The following VKORC1L1 variants were observed in gnomAD, a reference collection of about 807,000 sequenced individuals.
VKORC1L1 encodes vitamin K epoxide reductase complex subunit 1-like protein 1.
In VKORC1L1, 2 loss-of-function variants were observed where a neutral mutation model predicts 18.9. The observed-to-expected ratio is 0.11, with a 90% CI of 0.04 to 0.33. The LOEUF is 0.33. Ranked by LOEUF, VKORC1L1 falls within the 10% of genes least tolerant of loss-of-function variation. The pLI, the probability that VKORC1L1 is intolerant of heterozygous loss-of-function variation, is 1.00. For missense variants in VKORC1L1, 123 were observed against 224.1 expected (o/e 0.55, Z 2.88); for synonymous variants, 96 against 100.0 (o/e 0.96, Z 0.24).
chr7:65,897,021 AAC>A (rs1209870915), intron 1 of VKORC1L1, among the ~76,000 whole-genome samples: 12 of 152,260 alleles, frequency 7.9e-5, no homozygotes, highest in Admixed American at 6.5e-5. Flanking sequence ...TAAATAAATA[AAC>A]AGACAACCTA....
chr7:65,936,054 C>G (rs974302282), intron 1 of VKORC1L1, among the ~76,000 whole-genome samples: 3 of 151,370 alleles, frequency 2.0e-5, no homozygotes, highest in African/African-American at 7.3e-5. Flanking sequence ...TGAATCTTCC[C>G]TTTGGTATCT....
intron 1 of VKORC1L1, among the ~76,000 whole-genome samples, chr7:65,887,842 C>A: frequency 6.6e-6 from 1 of 151,756 alleles, no homozygotes; most frequent in African/African-American, 2.4e-5. Flanking sequence ...AAAAAAGCAA[C>A]AAATAACAGG....
At chr7:65,937,919 T>C (rs904965812) in intron 1 of VKORC1L1, among the ~76,000 whole-genome samples, 3 of 152,134 alleles carry the variant, frequency 2.0e-5, no homozygotes, top group African/African-American at 4.8e-5. Context: ...GAAAAAGTGA[T>C]ATCCTTGGCT....
At position 65,885,764 on chromosome 7, in the gene VKORC1L1, ACCCCTCCC is replaced by A. The variant is rs780160376; in HGVS notation, c.194+12202_194+12209del. 3.8e-3 allele frequency among the ~76,000 whole-genome samples: 582 copies of A among 151,798 alleles called. 11 individuals carry two copies. Among genetic ancestry groups the A allele is most frequent in the Middle Eastern group, 0.034 (10 of 294 alleles). On this transcript the variant is annotated intron_variant, in intron 1 of 2. Coordinates refer to ENST00000360768, the MANE Select transcript of VKORC1L1 (RefSeq NM_173517.6). ...GTCGGTCTGTGTTTATTCCATTACC[ACCCCTCCC>A]CCGTGGCTTTTTATAGAAGTTTGAT...
chr7:65,938,723 A>G (rs1330363318), intron 1 of VKORC1L1, among the ~76,000 whole-genome samples: 1 of 152,206 alleles, frequency 6.6e-6, no homozygotes, highest in East Asian at 1.9e-4. Flanking sequence ...GCATCATTCA[A>G]GCCTCTCTTC....
In VKORC1L1 at chr7:65,873,327, G is replaced by C. The variant is rs1318808116; in HGVS notation, c.-45G>C. 7.9e-6 allele frequency: 11 copies of C among 1,398,588 alleles called. No homozygotes were observed. Among genetic ancestry groups the C allele is most frequent in the South Asian group, 1.4e-5 (1 of 73,292 alleles). The allele number at this position is 1,398,588 out of a possible 1,614,324, so 86.6% of individuals were successfully genotyped here. A position where few individuals can be genotyped will look rare whatever the true frequency, so the allele number is the denominator to read the frequency against. ...GGTCGGGCCCCGACGGGCGGCGGCG[G>C]CTGAGGTGGAGGCGGAGGGAGGCGG... On this transcript the variant is annotated 5_prime_UTR_variant, in exon 1 of 3. Transcript: ENST00000360768.
chr7:65,919,080 C>T (rs966957954), intron 1 of VKORC1L1, among the ~76,000 whole-genome samples: 4 of 152,040 alleles, frequency 2.6e-5, no homozygotes, highest in African/African-American at 9.7e-5. Flanking sequence ...AGAGCGAGAC[C>T]CTTTCTCAAA....
intron 1 of VKORC1L1, among the ~76,000 whole-genome samples, chr7:65,914,614 C>T (rs920948470): frequency 6.6e-6 from 1 of 152,316 alleles, no homozygotes; most frequent in African/African-American, 2.4e-5. Flanking sequence ...AGCATTCTTT[C>T]TGCTTCCCCT....
intron 1 of VKORC1L1, among the ~76,000 whole-genome samples, chr7:65,908,662 C>T (rs1268131254): frequency 6.6e-6 from 1 of 151,206 alleles, no homozygotes. Flanking sequence ...ATGGTGAAAC[C>T]CCATCTCTAC....
rs1400089980 is a variant in VKORC1L1, at chr7:65,873,122, C to G, written c.-250C>G. 6 of 248,242 alleles carry G rather than the reference C, an allele frequency of 2.4e-5. No individual in the cohort carries two copies. Among genetic ancestry groups the G allele is most frequent in the Non-Finnish European group, 3.2e-5 (5 of 156,532 alleles). The allele number at this position is 248,242 out of a possible 1,614,324, so 15.4% of individuals were successfully genotyped here. A position where few individuals can be genotyped will look rare whatever the true frequency, so the allele number is the denominator to read the frequency against. On this transcript the variant is annotated 5_prime_UTR_variant, in exon 1 of 3. Transcript: ENST00000360768. ...TCTTCGGCCGTTGCGCACTCCACCC[C>G]CTCCCTCCGCGCCCGCGCGCGCCTT...
Position 65,929,682 on chromosome 7 carries a change from G to GTATATATA in VKORC1L1, c.195-18975_195-18968dup, listed in dbSNP as rs34648135. Among the ~76,000 whole-genome samples the GTATATATA allele has an allele frequency of 1.8e-3, 237 of 128,618 alleles. 2 individuals carry two copies. The highest frequency in any genetic ancestry group is 5.1e-3 in the East Asian group (21 of 4,124). 84.4% of individuals were successfully genotyped at this position (128,618 alleles called of 152,430 possible). ...TGTGTGTGTGTGTATGTGTGTGTGT[G>GTATATATA]TATATATATATATATATATATGGTT... On this transcript the variant is annotated intron_variant, in intron 1 of 2. Transcript: ENST00000360768.
rs1284233382 is a variant in VKORC1L1 at position 65,956,487 on chromosome 7, A to T, written c.*2187A>T. On this transcript the variant is annotated 3_prime_UTR_variant, in exon 3 of 3. Transcript: ENST00000360768. ...AAAACATGGCAAAATGGTCAGCCAG[A>T]CCCTTCCAGTTTTTCCTTTGCTTTT... is the stretch of plus-strand genomic sequence containing the variant. The T allele has an allele frequency of 2.0e-5, 3 of 152,196 alleles. No individual in the cohort carries two copies. The highest frequency in any genetic ancestry group is 6.5e-5 in the Admixed American group (1 of 15,278). 9.4% of individuals were successfully genotyped at this position (152,196 alleles called of 1,614,324 possible).
intron 1 of VKORC1L1, among the ~76,000 whole-genome samples, chr7:65,876,456 C>T (rs539017669): frequency 3.3e-5 from 5 of 151,284 alleles, no homozygotes; most frequent in Admixed American, 1.3e-4. Context: ...AAGCCAAGAT[C>T]GCGCCATTGC....
intron 1 of VKORC1L1, among the ~76,000 whole-genome samples, chr7:65,898,077 GTTTTTTTTTTTT>G (rs71051319): frequency 0.014 from 1,134 of 83,006 alleles, 24 homozygotes; most frequent in African/African-American, 0.047. Context: ...TTTGTAGCAG[GTTTTTTTTTTTT>G]TTTTTTTTTT....
chr7:65,899,175 G>T (rs550524284), intron 1 of VKORC1L1, among the ~76,000 whole-genome samples: 2 of 152,198 alleles, frequency 1.3e-5, no homozygotes, highest in Non-Finnish European at 2.9e-5. Context: ...TTTGAAGCCT[G>T]GTTTATGACA....
At chr7:65,945,612 CA>C (rs56868718) in intron 1 of VKORC1L1, among the ~76,000 whole-genome samples, 9 of 145,938 alleles carry the variant, frequency 6.2e-5, no homozygotes, top group African/African-American at 1.5e-4. Context: ...GACTCCGTCT[CA>C]AAAAAAAAAG....
At chr7:65,886,720 G>A (rs752865707) in intron 1 of VKORC1L1, among the ~76,000 whole-genome samples, 1 of 151,480 alleles carries the variant, frequency 6.6e-6, no homozygotes, top group Non-Finnish European at 1.5e-5. Flanking sequence ...TATATTTTTA[G>A]TAGAGACGGG....
chr7:65,882,749 C>G (rs1344610172), intron 1 of VKORC1L1, among the ~76,000 whole-genome samples: 8 of 152,140 alleles, frequency 5.3e-5, no homozygotes, highest in Non-Finnish European at 1.2e-4. Context: ...TTGCATTATG[C>G]AATAACATGA....
chr7:65,949,656 CACCT>C (rs1790180975), intron 2 of VKORC1L1, among the ~76,000 whole-genome samples: 1 of 151,322 alleles, frequency 6.6e-6, no homozygotes, highest in African/African-American at 2.4e-5. Context: ...TGGTGGCACA[CACCT>C]GTAGTCCCAG....
Sources: allele counts gnomAD v4.1 joint callset (sites outside exome capture counted in the v4.1 genomes callset), GRCh38; gene constraint gnomAD v4.1.1; transcripts MANE v1.5; gene names NCBI Gene and HGNC (gene_info 2026-07-23, HGNC 2026-07-21).